The following DIP2A variants were observed in gnomAD, a reference collection of about 807,000 sequenced individuals.
The protein encoded by DIP2A is DIP2 acetate--CoA ligase A, also known as disco-interacting protein 2 homolog A.
Under a neutral mutation model 177.4 loss-of-function variants are expected in DIP2A, and 85 were observed. That is an observed-to-expected ratio of 0.48 (90% CI 0.40 to 0.57). DIP2A has a LOEUF of 0.57. Among genes scored for constraint, DIP2A ranks in the 20% least tolerant of loss-of-function variants. The probability of loss-of-function intolerance (pLI) is 0.00; values close to 1 mark genes in which losing one functional copy is unlikely to be tolerated. For synonymous variants in DIP2A, 886 were observed against 881.8 expected (o/e 1.00, Z -0.08); for missense variants, 1,791 against 2,100.2 (o/e 0.85, Z 2.88).
At chr21:46,526,755 G>A (rs1426287773) in intron 8 of DIP2A, among the ~76,000 whole-genome samples, 1 of 152,164 alleles carries the variant, frequency 6.6e-6, no homozygotes, top group Non-Finnish European at 1.5e-5. Context: ...GATATATTTA[G>A]CAGCCTTGCT....
intron 3 of DIP2A, 36 bp downstream of exon 3, chr21:46,490,755 G>T (rs80349069): frequency 6.6e-4 from 1,008 of 1,531,850 alleles, no homozygotes; most frequent in South Asian, 1.4e-3. Flanking sequence ...GAAGGTGGAC[G>T]GGCCTGGAGC....
In DIP2A at chr21:46,498,965, A is replaced by G; in HGVS notation, c.655+132A>G. On this transcript the variant is annotated intron_variant, in intron 5 of 37. Coordinates refer to ENST00000417564, the MANE Select transcript of DIP2A (RefSeq NM_015151.4). The surrounding 1 kb of genome is among the most constrained non-coding windows in gnomAD (Gnocchi z 4.3). Reference sequence around the variant, plus strand: ...TTAGCTGCAGGCCTGAGTGCTCTCCAAGTGACTGAGGTCACACAACCCAGA... The same window carrying G: ...TTAGCTGCAGGCCTGAGTGCTCTCCGAGTGACTGAGGTCACACAACCCAGA... 8.0e-7 allele frequency: 1 copy of G among 1,242,856 alleles called. No individual in the cohort carries two copies. The highest frequency in any genetic ancestry group is 1.1e-6 in the Non-Finnish European group (1 of 925,822). The allele number at this position is 1,242,856 out of a possible 1,614,324, so 77.0% of individuals were successfully genotyped here.
At position 46,557,471 on chromosome 21, in the gene DIP2A, C is replaced by T; in HGVS notation, c.3630-114C>T. Reference sequence around the variant, plus strand: ...CAAACCCCCCCACTTGGCGTCAGAACAGAAATCATGCCCCTGTTGTGGCTG... The same window carrying T: ...CAAACCCCCCCACTTGGCGTCAGAATAGAAATCATGCCCCTGTTGTGGCTG... On this transcript the variant is annotated intron_variant, in intron 30 of 37. Transcript: ENST00000417564. This position sits in a 1 kb window ranked among gnomAD's most constrained non-coding sequence, Gnocchi z 6.0. The T allele has an allele frequency of 7.6e-7, 1 of 1,313,676 alleles. No homozygotes were observed. 81.4% of individuals were successfully genotyped at this position (1,313,676 alleles called of 1,614,324 possible).
Position 46,545,198 on chromosome 21 carries a change from A to G in DIP2A, c.2238A>G (p.Gly746=). ...TPYLCKTDEV[G]EICVSSSATG... is the part of the protein sequence containing the mutation. ...ATCTTTGTAAAACTGATGAAGTGGGAGAAATATGCGTCAGTTCCAGTGCAA... is the reference window on the plus strand; with the variant it reads ...ATCTTTGTAAAACTGATGAAGTGGGGGAAATATGCGTCAGTTCCAGTGCAA... Residue 746 remains glycine, a synonymous_variant, in exon 19 of 38, where the codon GGA becomes GGG. Coordinates refer to ENST00000417564, the MANE Select transcript of DIP2A (RefSeq NM_015151.4). 3 of 1,609,494 alleles carry G rather than the reference A, an allele frequency of 1.9e-6. No homozygotes were observed. Among genetic ancestry groups the G allele is most frequent in the Non-Finnish European group, 2.6e-6 (3 of 1,176,206 alleles).
intron 1 of DIP2A, among the ~76,000 whole-genome samples, chr21:46,476,222 G>T (rs537532759): frequency 4.0e-5 from 6 of 149,386 alleles, no homozygotes; most frequent in Non-Finnish European, 7.4e-5. Flanking sequence ...CAGCCTAGGG[G>T]ACTGATCAAG....
chr21:46,459,160 C>T lies in DIP2A; in HGVS notation c.29C>T (p.Ala10Val). The stretch of plus-strand genomic sequence containing the variant: ...GCTGACCGCGGGTGCCCGCTGGAGG[C>T]GGCGCCGCTGCCTGCCGAGGTGCGG... MADRGCPLE[A>V]APLPAEVRES... Residue 10 changes from alanine to valine, a missense_variant, in exon 1 of 38, where the codon GCG (alanine) becomes GTG (valine). By Grantham distance (64) the Ala-to-Val change is moderately conservative. Transcript: ENST00000417564. 2.6e-6 allele frequency: 4 copies of T among 1,518,998 alleles called. No homozygotes were observed. The East Asian group carries it at 8.2e-5, about 31-fold the overall frequency. 94.1% of individuals were successfully genotyped at this position (1,518,998 alleles called of 1,614,324 possible).
intron 18 of DIP2A, among the ~76,000 whole-genome samples, chr21:46,543,819 ACAAGCACCACCTTCCACATCAGC>A (rs1365750754): frequency 1.3e-4 from 20 of 152,280 alleles, no homozygotes; most frequent in Admixed American, 6.5e-4. Context: ...GGAAGCACAG[ACAAGCACCACCTTCCACATCAGC>A]CAAGCACCAC....
rs1028977277 is a variant in DIP2A at position 46,541,628 on chromosome 21, C to G, written c.2037-128C>G. On this transcript the variant is annotated intron_variant, in intron 17 of 37. Transcript: ENST00000417564. Reference sequence around the variant, plus strand: ...GACATTGCAGCATCTTTAGAACATGCGTTTCTCACAAGTCTGTAACATGGA... The same window carrying G: ...GACATTGCAGCATCTTTAGAACATGGGTTTCTCACAAGTCTGTAACATGGA... 8.5e-6 allele frequency: 9 copies of G among 1,060,168 alleles called. No individual in the cohort carries two copies. The South Asian group carries it at 1.0e-4, about 12-fold the overall frequency. The allele number at this position is 1,060,168 out of a possible 1,614,324, so 65.7% of individuals were successfully genotyped here. A position where few individuals can be genotyped will look rare whatever the true frequency, so the allele number is the denominator to read the frequency against.
At chr21:46,571,755 C>A (rs557666944), downstream of DIP2A, among the ~76,000 whole-genome samples, 18 of 152,286 alleles carry the variant, frequency 1.2e-4, no homozygotes, top group African/African-American at 4.1e-4. Flanking sequence ...ATTTTGTATC[C>A]TGAAACTTTG....
chr21:46,545,451 G>A (rs1371392493), intron 19 of DIP2A, among the ~76,000 whole-genome samples, 178 bp downstream of exon 19: 1 of 152,224 alleles, frequency 6.6e-6, no homozygotes, highest in Admixed American at 6.5e-5. Context: ...CCCAGAGTGA[G>A]GGCAAGGCCA....
At chr21:46,460,768 A>T (rs1281774475) in intron 1 of DIP2A, among the ~76,000 whole-genome samples, 1 of 151,432 alleles carries the variant, frequency 6.6e-6, no homozygotes, top group Non-Finnish European at 1.5e-5. Context: ...ATCTCGGCTC[A>T]CTGCAACCTC....
Position 46,458,891 on chromosome 21 carries a change from G to C in DIP2A, c.-241G>C, listed in dbSNP as rs553809320. 9.7e-4 allele frequency: 201 copies of C among 207,694 alleles called. No individual in the cohort carries two copies. Among genetic ancestry groups the C allele is most frequent in the Middle Eastern group, 1.6e-3 (1 of 632 alleles). The allele number at this position is 207,694 out of a possible 1,614,324, so 12.9% of individuals were successfully genotyped here. A position where few individuals can be genotyped will look rare whatever the true frequency, so the allele number is the denominator to read the frequency against. On this transcript the variant is annotated 5_prime_UTR_variant, in exon 1 of 38. Transcript: ENST00000417564. ...CCCTTCCCGCCGCGCACGCGCTCCCGTGTAGGGCCGGCCGGGCGCTCAGGA... is the reference window on the plus strand; with the variant it reads ...CCCTTCCCGCCGCGCACGCGCTCCCCTGTAGGGCCGGCCGGGCGCTCAGGA...
intron 1 of DIP2A, among the ~76,000 whole-genome samples, chr21:46,482,150 T>C (rs1047429956): frequency 6.6e-6 from 1 of 152,058 alleles, no homozygotes; most frequent in Non-Finnish European, 1.5e-5. Context: ...AGTGAGAAAA[T>C]ACCAAAGACA....
chr21:46,553,310 CAG>C (rs970220916), intron 25 of DIP2A: 2 of 152,266 alleles, frequency 1.3e-5, no homozygotes, highest in African/African-American at 2.4e-5. Flanking sequence ...AATCGAGAAA[CAG>C]GGAGTTTTGA....
chr21:46,480,896 G>C (rs1182369150), intron 1 of DIP2A, among the ~76,000 whole-genome samples: 3 of 152,086 alleles, frequency 2.0e-5, no homozygotes, highest in African/African-American at 7.2e-5. Context: ...AGCCACACTT[G>C]GTCCATTGTG....
intron 8 of DIP2A, among the ~76,000 whole-genome samples, chr21:46,520,739 A>T (rs1601643667): frequency 6.6e-6 from 1 of 152,252 alleles, no homozygotes; most frequent in East Asian, 1.9e-4. Context: ...ATGTACTGTC[A>T]TATCAGAGTT....
At chr21:46,560,548 T>G (rs2060629315) in intron 32 of DIP2A, among the ~76,000 whole-genome samples, 174 bp from the exon 33 acceptor site, 1 of 152,240 alleles carries the variant, frequency 6.6e-6, no homozygotes, top group Non-Finnish European at 1.5e-5. Flanking sequence ...ATGGAAAGCA[T>G]CAGACTGCCT....
At chr21:46,552,596 G>T (rs772117311) in intron 25 of DIP2A, among the ~76,000 whole-genome samples, 1 of 152,150 alleles carries the variant, frequency 6.6e-6, no homozygotes, top group Non-Finnish European at 1.5e-5. Context: ...GGTCACTGTG[G>T]CTTAGAATAT....
At chr21:46,467,707 TATTC>T (rs2054962463) in intron 1 of DIP2A, among the ~76,000 whole-genome samples, 1 of 152,226 alleles carries the variant, frequency 6.6e-6, no homozygotes, top group African/African-American at 2.4e-5. Flanking sequence ...CAAAATTTAT[TATTC>T]ATGTTTCGGG....
Sources: gnomAD v4.1 joint callset for allele counts (sites outside exome capture counted in the v4.1 genomes callset) on GRCh38, gnomAD v4.1.1 for gene constraint, Gnocchi (gnomAD v3.1) non-coding constraint, MANE v1.5 for transcripts, NCBI Gene and HGNC (gene_info 2026-07-23, HGNC 2026-07-21) for gene names.